The following DAW1 variants were observed in gnomAD, a reference collection of about 807,000 sequenced individuals.
DAW1 encodes the protein dynein assembly factor with WD repeat domains 1.
DAW1 carries 47 observed loss-of-function variants against 56.5 expected under a neutral mutation model. The observed-to-expected ratio is 0.83, with a 90% CI of 0.66 to 1.06. The LOEUF (loss-of-function observed/expected upper bound fraction) is 1.06. DAW1 is among the 50% of genes least tolerant of loss of function. The pLI is 0.00. For synonymous variants in DAW1, 190 were observed against 179.0 expected, an observed-to-expected ratio of 1.06 and a Z score of -0.49; for missense variants, 505 against 499.3, an observed-to-expected ratio of 1.01 and a Z score of -0.11.
intron 1 of DAW1, among the ~76,000 whole-genome samples, chr2:227,878,448 A>G (rs1247052572): frequency 6.6e-6 from 1 of 152,206 alleles, no homozygotes; most frequent in Non-Finnish European, 1.5e-5. Flanking sequence ...TCAACTGGGC[A>G]TGGTGGTGCC....
intron 3 of DAW1, 98 bp downstream of exon 3, chr2:227,890,098 G>T (rs558902332): frequency 1.4e-5 from 18 of 1,264,046 alleles, no homozygotes; most frequent in Non-Finnish European, 1.8e-5. Context: ...CATGAAAAAG[G>T]CATGTCAGTG....
intron 10 of DAW1, among the ~76,000 whole-genome samples, chr2:227,911,280 G>A (rs1463253746): frequency 1.4e-5 from 2 of 139,198 alleles, no homozygotes; most frequent in Non-Finnish European, 3.1e-5. Flanking sequence ...ATATACACGT[G>A]TATATATACA....
At chr2:227,876,502 T>C in intron 1 of DAW1, 1 of 1,302,046 alleles carries the variant, frequency 7.7e-7, no homozygotes, top group Non-Finnish European at 1.0e-6. Flanking sequence ...CAGGTGGGTG[T>C]TTCAATAATA....
rs1419740942 is a variant in DAW1 at position 227,898,248 on chromosome 2, T to C, written c.507T>C (p.Cys169=). Residue 169 remains cysteine (C), a synonymous_variant, in exon 6 of 13, where the codon TGT becomes TGC. Coordinates refer to ENST00000309931, the MANE Select transcript of DAW1 (RefSeq NM_178821.3). ...TCTGGAGTGTGGAAACAGGAAAATG[T>C]TACCATACCTTCAGGGGTCATACAG... ...CKLWSVETGK[C]YHTFRGHTAE... 6.4e-7 allele frequency: 1 copy of C among 1,574,470 alleles called. No individual in the cohort carries two copies. The highest frequency in any genetic ancestry group is 8.6e-7 in the Non-Finnish European group (1 of 1,157,430).
In DAW1 at chr2:227,879,667, T is replaced by A. The variant is rs576594406; in HGVS notation, c.41-5684T>A. Among the ~76,000 whole-genome samples, 25 of 152,030 alleles carry A rather than the reference T, an allele frequency of 1.6e-4. No homozygotes were observed. In the South Asian group the frequency reaches 5.0e-3, roughly 30 times the overall value. On this transcript the variant is annotated intron_variant, in intron 1 of 12. Coordinates refer to ENST00000309931, the MANE Select transcript of DAW1 (RefSeq NM_178821.3). ...AGAATATTTTATATTTTATTTTTAA[T>A]ATTAAAATTTGTAATCAAGCTGGAA...
chr2:227,913,071 A>C (rs918553575), intron 10 of DAW1, among the ~76,000 whole-genome samples: 1 of 152,162 alleles, frequency 6.6e-6, no homozygotes, highest in Non-Finnish European at 1.5e-5. Context: ...TTACAATCGC[A>C]ATCATGTATG....
rs1269508156 is a variant in DAW1, at chr2:227,906,271, T to A, written c.791T>A (p.Ile264Asn). 4.3e-6 allele frequency: 7 copies of A among 1,613,510 alleles called. No homozygotes were observed. Among genetic ancestry groups the A allele is most frequent in the Non-Finnish European group, 5.9e-6 (7 of 1,179,698 alleles). Residue 264 changes from isoleucine to asparagine, a missense_variant, in exon 9 of 13, where the codon ATT (isoleucine) becomes AAT (asparagine). Physicochemically the swap from Ile to Asn is moderately radical, Grantham distance 149 (BLOSUM62 -3). Transcript: ENST00000309931. ...VNILIGHCAE[I>N]SSASFNWDCS... ...ATCTTAATTGGTCATTGTGCTGAGATTAGCAGTGCCTCATTCAATTGGGAT... is the reference window on the plus strand; with the variant it reads ...ATCTTAATTGGTCATTGTGCTGAGAATAGCAGTGCCTCATTCAATTGGGAT...
At chr2:227,877,851 C>T (rs1303342311) in intron 1 of DAW1, among the ~76,000 whole-genome samples, 2 of 152,252 alleles carry the variant, frequency 1.3e-5, no homozygotes, top group Admixed American at 1.3e-4. Flanking sequence ...CTAACGGCCA[C>T]AGACTGGTAC....
intron 1 of DAW1, among the ~76,000 whole-genome samples, chr2:227,878,043 AGT>A (rs538708557): frequency 6.6e-6 from 1 of 152,280 alleles, no homozygotes; most frequent in Non-Finnish European, 1.5e-5. Context: ...ACAAACAAGT[AGT>A]GAATAAAGAA....
At chr2:227,873,087 T>G (rs189075236) in intron 1 of DAW1, among the ~76,000 whole-genome samples, 12 of 152,324 alleles carry the variant, frequency 7.9e-5, no homozygotes, top group African/African-American at 2.6e-4. Flanking sequence ...TAGCTTGTTC[T>G]TCTAAGACTT....
chr2:227,923,868 G>A (rs1168069739), intron 12 of DAW1, 66 bp from the exon 13 acceptor site: 73 of 1,588,246 alleles, frequency 4.6e-5, no homozygotes, highest in Non-Finnish European at 5.9e-5. Flanking sequence ...ATGTCAACTT[G>A]TAGAAAGAGA....
At chr2:227,874,665 C>A (rs999014125) in intron 1 of DAW1, among the ~76,000 whole-genome samples, 1 of 151,802 alleles carries the variant, frequency 6.6e-6, no homozygotes, top group African/African-American at 2.4e-5. Flanking sequence ...AGAGCCCCAA[C>A]CTTGGATTTC....
rs186145845 is a variant in DAW1, at chr2:227,879,499, T to G, written c.41-5852T>G. Among the ~76,000 whole-genome samples the G allele has an allele frequency of 1.8e-3, 279 of 152,248 alleles. 5 individuals are homozygous for G. The highest frequency in any genetic ancestry group is 2.5e-3 in the East Asian group (13 of 5,192). ...CTTCTTTGCTGATTATTATTTGCCT[T>G]TAACTGTGTGGTATCTTTTATTGTA... On this transcript the variant is annotated intron_variant, in intron 1 of 12. Transcript: ENST00000309931.
intron 10 of DAW1, among the ~76,000 whole-genome samples, chr2:227,916,636 G>A (rs959752794): frequency 2.6e-5 from 4 of 151,988 alleles, no homozygotes; most frequent in African/African-American, 7.2e-5. Flanking sequence ...TGTCATATCC[G>A]TGATGGCCAT....
chr2:227,906,208 A>G (rs1268928023), intron 8 of DAW1, 28 bp from the exon 9 acceptor site: 2 of 1,557,730 alleles, frequency 1.3e-6, no homozygotes, highest in Non-Finnish European at 1.8e-6. Context: ...GATATCTTTC[A>G]CTAGTTTTAA....
chr2:227,921,766 G>T (rs1169500934), intron 12 of DAW1, among the ~76,000 whole-genome samples: 5 of 152,114 alleles, frequency 3.3e-5, no homozygotes, highest in Non-Finnish European at 7.3e-5. Context: ...ACTGTAGTAA[G>T]CCTTTGTGAA....
intron 1 of DAW1, among the ~76,000 whole-genome samples, chr2:227,880,157 A>G (rs1194186253): frequency 6.6e-6 from 1 of 152,192 alleles, no homozygotes; most frequent in African/African-American, 2.4e-5. Flanking sequence ...GATATTCAGT[A>G]ATTTTCTTTG....
chr2:227,921,353 G>A (rs767086966), intron 11 of DAW1, 46 bp from the exon 12 acceptor site: 3 of 438,288 alleles, frequency 6.8e-6, no homozygotes, highest in African/African-American at 2.7e-5. Flanking sequence ...AAATGTTTTG[G>A]GAACCATTAC....
At chr2:227,894,036 G>T (rs896960403) in intron 5 of DAW1, 119 bp downstream of exon 5, 23 of 1,125,532 alleles carry the variant, frequency 2.0e-5, no homozygotes, top group Non-Finnish European at 2.8e-5. Context: ...TATGTGCTTT[G>T]GAAGCCTTTT....
Sources: allele counts gnomAD v4.1 joint callset (sites outside exome capture counted in the v4.1 genomes callset), GRCh38; gene constraint gnomAD v4.1.1; transcripts MANE v1.5; gene names NCBI Gene and HGNC (gene_info 2026-07-23, HGNC 2026-07-21).